The following SGPP2 variants were observed in gnomAD, a reference collection of about 807,000 sequenced individuals.
The protein encoded by SGPP2 is sphingosine-1-phosphate phosphatase 2, also known as sphingosine 1-phosphate phosphohydrolase 2.
A neutral mutation model predicts 33.9 loss-of-function variants in SGPP2; 30 were observed. The ratio of observed to expected loss-of-function variants is 0.89; its 90% CI spans 0.66 to 1.20. The LOEUF is 1.20. SGPP2 is among the 50% of genes most tolerant of loss of function. SGPP2 has a pLI of 0.00. For synonymous variants in SGPP2, 233 were observed against 225.0 expected (o/e 1.04, Z -0.32); for missense variants, 458 against 532.1 (o/e 0.86, Z 1.37).
chr2:222,553,785 CG>C (rs1270299660), intron 4 of SGPP2, among the ~76,000 whole-genome samples: 2 of 152,300 alleles, frequency 1.3e-5, no homozygotes, highest in Non-Finnish European at 1.5e-5. Context: ...TTCCAGGCTT[CG>C]TTAGGGCTCA....
chr2:222,502,647 A>C (rs919118512), intron 2 of SGPP2, among the ~76,000 whole-genome samples: 5 of 152,232 alleles, frequency 3.3e-5, no homozygotes, highest in Non-Finnish European at 7.3e-5. Context: ...GCTGCTGTTC[A>C]CAATGTTGAT....
rs1491150129 is a variant in SGPP2 at position 222,478,266 on chromosome 2, T to TG, written c.378+3540_378+3541insG. ...GTGCATCTTCGTGTATGTGCATGCA[T>TG]TTGTGTGTGTGTGTGTGTGTGTGTG... On this transcript the variant is annotated intron_variant, in intron 2 of 4. Coordinates refer to ENST00000321276, the MANE Select transcript of SGPP2 (RefSeq NM_152386.4). Among the ~76,000 whole-genome samples, 180 of 68,886 alleles carry TG rather than the reference T, an allele frequency of 2.6e-3. 1 individual carries two copies. Among genetic ancestry groups the TG allele is most frequent in the Middle Eastern group, 0.017 (2 of 116 alleles). 45.2% of individuals were successfully genotyped at this position (68,886 alleles called of 152,430 possible). A position where few individuals can be genotyped will look rare whatever the true frequency, so the allele number is the denominator to read the frequency against.
intron 2 of SGPP2, among the ~76,000 whole-genome samples, chr2:222,520,340 T>A (rs1196876582): frequency 6.6e-6 from 1 of 151,936 alleles, no homozygotes; most frequent in Non-Finnish European, 1.5e-5. Flanking sequence ...TGAGAACATG[T>A]TCATGTACAT....
Position 222,460,234 on chromosome 2 carries a change from C to T in SGPP2, c.220-14334C>T, listed in dbSNP as rs72966731. On this transcript the variant is annotated intron_variant, in intron 1 of 4. Coordinates refer to ENST00000321276, the MANE Select transcript of SGPP2 (RefSeq NM_152386.4). The surrounding 1 kb of genome is among the most constrained non-coding windows in gnomAD (Gnocchi z 4.3). ...TTGCTAAATAACTGTATCATCAGATCCCACATGGCAGCGCCAAGGCCAAAC... is the reference window on the plus strand; with the variant it reads ...TTGCTAAATAACTGTATCATCAGATTCCACATGGCAGCGCCAAGGCCAAAC... Among the ~76,000 whole-genome samples, 33,300 of 152,094 alleles carry T rather than the reference C, an allele frequency of 0.22. 4,247 individuals are homozygous for T. The highest frequency in any genetic ancestry group is 0.3 in the Middle Eastern group (88 of 294).
chr2:222,485,112 T>C (rs1207796007), intron 2 of SGPP2, among the ~76,000 whole-genome samples: 1 of 152,200 alleles, frequency 6.6e-6, no homozygotes, highest in Non-Finnish European at 1.5e-5. Context: ...GAATAGGTAG[T>C]GTTCATCCCT....
At chr2:222,444,025 T>C (rs573359429) in intron 1 of SGPP2, among the ~76,000 whole-genome samples, 3 of 152,356 alleles carry the variant, frequency 2.0e-5, no homozygotes, top group African/African-American at 7.2e-5. Flanking sequence ...ATTTTTACTA[T>C]TGTCTCTACC....
intron 1 of SGPP2, among the ~76,000 whole-genome samples, chr2:222,447,029 G>A (rs753332669): frequency 5.9e-5 from 9 of 152,162 alleles, no homozygotes; most frequent in Non-Finnish European, 8.8e-5. Flanking sequence ...GGTGAATGCT[G>A]ACATTTGTTC....
chr2:222,424,670 T>C lies in SGPP2; in HGVS notation c.68T>C (p.Leu23Pro). The change falls in exon 1 of 5, where the codon CTC becomes CCC. Residue 23 changes from leucine (L) to proline (P), a missense_variant. Physicochemically the swap from Leu to Pro is moderately conservative, Grantham distance 98 (BLOSUM62 -3). Transcript: ENST00000321276. The stretch of plus-strand genomic sequence containing the variant: ...GCCCGCTTCCAGCGCCGCTGCGGGC[T>C]CTTCCCCGCTCCGGATGAAGGCCCC... ...LVARFQRRCG[L>P]FPAPDEGPRE... 6.9e-7 allele frequency: 1 copy of C among 1,444,036 alleles called. No individual in the cohort carries two copies. 89.5% of individuals were successfully genotyped at this position (1,444,036 alleles called of 1,614,324 possible). A position where few individuals can be genotyped will look rare whatever the true frequency, so the allele number is the denominator to read the frequency against.
chr2:222,424,511 G>C (rs1286038315), upstream of SGPP2: 3 of 917,670 alleles, frequency 3.3e-6, no homozygotes, highest in South Asian at 5.4e-5. Context: ...CCCGGAGTGC[G>C]GGATCGGCGG....
chr2:222,427,458 TG>T (rs1473059934), intron 1 of SGPP2, among the ~76,000 whole-genome samples: 2 of 152,104 alleles, frequency 1.3e-5, no homozygotes, highest in Non-Finnish European at 2.9e-5. Context: ...TGTTGTTTTT[TG>T]TAGAGACAGG....
intron 4 of SGPP2, 121 bp from the exon 5 acceptor site, chr2:222,558,226 A>C (rs944547045): frequency 3.5e-6 from 4 of 1,136,402 alleles, no homozygotes; most frequent in Middle Eastern, 6.0e-4. Flanking sequence ...CATGTACTGT[A>C]AAATAAAACA....
At chr2:222,452,553 A>C in intron 1 of SGPP2, 1 of 1,142,768 alleles carries the variant, frequency 8.8e-7, no homozygotes, top group Non-Finnish European at 1.3e-6. Flanking sequence ...CTGGAACTAC[A>C]TGCAGGACTG....
chr2:222,448,411 C>T (rs868398228), intron 1 of SGPP2, among the ~76,000 whole-genome samples: 7 of 152,210 alleles, frequency 4.6e-5, no homozygotes, highest in South Asian at 2.1e-4. Flanking sequence ...GAAAAGAGCA[C>T]AGGCTCTGGA....
intron 1 of SGPP2, among the ~76,000 whole-genome samples, chr2:222,472,356 C>T (rs755084192): frequency 9.2e-5 from 14 of 151,868 alleles, no homozygotes; most frequent in Admixed American, 3.9e-4. Context: ...AAGTGGAAGA[C>T]GAGAGTTTAT....
intron 2 of SGPP2, among the ~76,000 whole-genome samples, chr2:222,518,269 C>T (rs1472380445): frequency 1.3e-5 from 2 of 152,202 alleles, no homozygotes; most frequent in African/African-American, 2.4e-5. Context: ...TTCCACAAAA[C>T]ATTCTTCAAA....
chr2:222,511,387 G>A (rs537685503), intron 2 of SGPP2, among the ~76,000 whole-genome samples: 40 of 152,236 alleles, frequency 2.6e-4, no homozygotes, highest in African/African-American at 8.9e-4. Context: ...GAAAACCTAC[G>A]GGACCTCCAT....
At chr2:222,502,050 A>C (rs1698375458) in intron 2 of SGPP2, among the ~76,000 whole-genome samples, 1 of 152,206 alleles carries the variant, frequency 6.6e-6, no homozygotes, top group African/African-American at 2.4e-5. Flanking sequence ...CACCCTCACA[A>C]ATTTTCCCAT....
At chr2:222,425,034 A>ACC (rs774711330) in intron 1 of SGPP2, among the ~76,000 whole-genome samples, 16 of 152,222 alleles carry the variant, frequency 1.1e-4, no homozygotes, top group Admixed American at 2.0e-4. Flanking sequence ...GGGTCTATTG[A>ACC]GATATCCCCA....
chr2:222,547,814 A>G (rs1689227279), intron 4 of SGPP2, among the ~76,000 whole-genome samples: 2 of 152,186 alleles, frequency 1.3e-5, no homozygotes, highest in Non-Finnish European at 2.9e-5. Context: ...CACTGAAATA[A>G]TTATCTACTT....
Sources: allele counts gnomAD v4.1 joint callset (sites outside exome capture counted in the v4.1 genomes callset), GRCh38; gene constraint gnomAD v4.1.1; non-coding constraint Gnocchi (gnomAD v3.1); transcripts MANE v1.5; gene names NCBI Gene and HGNC (gene_info 2026-07-23, HGNC 2026-07-21).